Variants in FCHSD2 observed in about 807,000 individuals in gnomAD.
FCHSD2 encodes the protein F-BAR and double SH3 domains protein 2.
Under a neutral mutation model 108.1 loss-of-function variants are expected in FCHSD2, and 38 were observed. The observed-to-expected ratio is 0.35, with a 90% CI of 0.27 to 0.46. The LOEUF (loss-of-function observed/expected upper bound fraction) is 0.46. Ranked by LOEUF, FCHSD2 falls within the 20% of genes least tolerant of loss-of-function variation. FCHSD2 has a pLI of 1.00. For missense variants in FCHSD2, 751 were observed against 897.8 expected, an observed-to-expected ratio of 0.84 and a Z score of 2.09; for synonymous variants, 279 against 314.7, an observed-to-expected ratio of 0.89 and a Z score of 1.20.
At chr11:72,946,298 A>T (rs539158499) in intron 8 of FCHSD2, among the ~76,000 whole-genome samples, 2 of 151,936 alleles carry the variant, frequency 1.3e-5, no homozygotes, top group South Asian at 4.2e-4. Context: ...TCGCAAGGAC[A>T]AAAAACCAAA....
chr11:73,031,488 CAGAG>C (rs1027318585), intron 3 of FCHSD2, among the ~76,000 whole-genome samples: 3 of 151,836 alleles, frequency 2.0e-5, no homozygotes, highest in Non-Finnish European at 4.4e-5. Context: ...AAAAGAGAGA[CAGAG>C]AGAGAATAAA....
At chr11:72,987,982 C>A (rs1333265381) in intron 6 of FCHSD2, among the ~76,000 whole-genome samples, 1 of 152,124 alleles carries the variant, frequency 6.6e-6, no homozygotes, top group Non-Finnish European at 1.5e-5. Flanking sequence ...ATGTGTTTTC[C>A]TGTAACATCA....
At position 72,942,867 on chromosome 11, in the gene FCHSD2, C is replaced by G. The variant is rs537742357; in HGVS notation, c.706-20917G>C. On this transcript the variant is annotated intron_variant, in intron 8 of 19. Transcript: ENST00000409418. ...TATGATCATAGTTCGCAGCTTCAAA[C>G]TCTTGGACTTCAGAATCCTCCCACC... 2.0e-5 allele frequency among the ~76,000 whole-genome samples: 3 copies of G among 152,260 alleles called. No individual in the cohort carries two copies. In the South Asian group the frequency reaches 6.2e-4, roughly 32 times the overall value.
At position 72,970,814 on chromosome 11, in the gene FCHSD2, C is replaced by T. The variant is rs569041078; in HGVS notation, c.705+13274G>A. On this transcript the variant is annotated intron_variant, in intron 8 of 19. Transcript: ENST00000409418. ...AACACCAATTTTGGGGTTAGGTATA[C>T]AAAATGGGACAAAACATACCCCTAA... Among the ~76,000 whole-genome samples the T allele has an allele frequency of 3.5e-4, 53 of 152,262 alleles. No homozygotes were observed. In the Middle Eastern group the frequency reaches 0.01, roughly 29 times the overall value.
intron 8 of FCHSD2, among the ~76,000 whole-genome samples, chr11:72,928,257 A>C (rs546065257): frequency 6.6e-6 from 1 of 152,094 alleles, no homozygotes; most frequent in South Asian, 2.1e-4. Context: ...AATTCCACAA[A>C]ATTTTTTTCA....
At chr11:73,095,955 T>C (rs1395595635) in intron 2 of FCHSD2, among the ~76,000 whole-genome samples, 3 of 147,794 alleles carry the variant, frequency 2.0e-5, no homozygotes, top group South Asian at 4.2e-4. Context: ...CAAACAAAAT[T>C]GCTGTAAATT....
intron 13 of FCHSD2, among the ~76,000 whole-genome samples, chr11:72,865,940 T>G (rs1251501079): frequency 5.3e-5 from 8 of 152,202 alleles, no homozygotes; most frequent in Admixed American, 5.2e-4. Flanking sequence ...GTAAATTCTA[T>G]GAGGAGGGAG....
chr11:73,046,613 C>T (rs1858772609), intron 3 of FCHSD2, among the ~76,000 whole-genome samples: 1 of 152,030 alleles, frequency 6.6e-6, no homozygotes, highest in Admixed American at 6.6e-5. Context: ...AATGTTTTTA[C>T]CTACTAATAT....
intron 2 of FCHSD2, among the ~76,000 whole-genome samples, chr11:73,084,452 G>C (rs1859768528): frequency 1.3e-5 from 2 of 152,120 alleles, no homozygotes; most frequent in Non-Finnish European, 2.9e-5. Flanking sequence ...GTGCGGCGGT[G>C]AGGTCCTAGC....
intron 7 of FCHSD2, among the ~76,000 whole-genome samples, chr11:72,984,746 G>A (rs529953102): frequency 2.6e-5 from 4 of 152,194 alleles, no homozygotes; most frequent in East Asian, 1.9e-4. Flanking sequence ...AAATCTAAAC[G>A]AAATAGATTT....
chr11:73,099,838 T>C (rs1178146962), intron 2 of FCHSD2, among the ~76,000 whole-genome samples: 1 of 152,072 alleles, frequency 6.6e-6, no homozygotes, highest in East Asian at 1.9e-4. Context: ...GGCACCACCA[T>C]TTTCTTCCCA....
chr11:72,991,752 G>A (rs980968048), intron 5 of FCHSD2, among the ~76,000 whole-genome samples: 9 of 152,108 alleles, frequency 5.9e-5, no homozygotes, highest in Non-Finnish European at 8.8e-5. Flanking sequence ...GTATTGATGG[G>A]ACGTATCTCA....
At chr11:72,925,862 A>T (rs1345254100) in intron 8 of FCHSD2, among the ~76,000 whole-genome samples, 1 of 152,118 alleles carries the variant, frequency 6.6e-6, no homozygotes, top group Non-Finnish European at 1.5e-5. Context: ...AGTCGCTCAA[A>T]CTGCACCTAC....
intron 3 of FCHSD2, among the ~76,000 whole-genome samples, chr11:73,049,645 T>C (rs1040785679): frequency 4.1e-5 from 6 of 144,582 alleles, no homozygotes; most frequent in African/African-American, 1.6e-4. Context: ...GTAACTAACC[T>C]GCACAATGTG....
At chr11:73,008,139 G>A (rs527706491) in intron 4 of FCHSD2, among the ~76,000 whole-genome samples, 18 of 152,180 alleles carry the variant, frequency 1.2e-4, no homozygotes, top group African/African-American at 3.4e-4. Context: ...AGGAGTTTGC[G>A]ACCAGCCTGG....
intron 3 of FCHSD2, among the ~76,000 whole-genome samples, chr11:73,070,427 T>G (rs1859406233): frequency 6.6e-6 from 1 of 152,138 alleles, no homozygotes. Context: ...GTTTTTTATT[T>G]TTATTTTTAT....
intron 3 of FCHSD2, among the ~76,000 whole-genome samples, chr11:73,021,559 G>A (rs1397729287): frequency 6.6e-6 from 1 of 152,040 alleles, no homozygotes; most frequent in Non-Finnish European, 1.5e-5. Context: ...GCCTTTTGGA[G>A]GATGGAAGCT....
At chr11:73,018,166 TGG>T (rs2135435977) in intron 3 of FCHSD2, among the ~76,000 whole-genome samples, 1 of 152,328 alleles carries the variant, frequency 6.6e-6, no homozygotes, top group East Asian at 1.9e-4. Context: ...CCCTCCAAGT[TGG>T]CTCCCATATC....
chr11:73,073,024 T>C (rs182067434), intron 3 of FCHSD2, among the ~76,000 whole-genome samples: 87 of 152,366 alleles, frequency 5.7e-4, no homozygotes, highest in African/African-American at 2.0e-3. Flanking sequence ...TTCCTGCTCC[T>C]TCTCTCCAGC....
Sources: gnomAD v4.1 joint callset for allele counts (sites outside exome capture counted in the v4.1 genomes callset) on GRCh38, gnomAD v4.1.1 for gene constraint, MANE v1.5 for transcripts, NCBI Gene and HGNC (gene_info 2026-07-23, HGNC 2026-07-21) for gene names.